Variants in GPC6 observed in about 807,000 individuals in gnomAD.
GPC6 encodes the protein glypican-6.
In GPC6, 14 loss-of-function variants were observed where a neutral mutation model predicts 55.2. The ratio of observed to expected loss-of-function variants is 0.25; its 90% CI spans 0.17 to 0.40. The LOEUF (loss-of-function observed/expected upper bound fraction) is 0.40, where lower values mean the gene tolerates loss of function less well. GPC6 is among the 10% of genes least tolerant of loss of function. The probability of loss-of-function intolerance (pLI) is 1.00; values close to 1 mark genes in which losing one functional copy is unlikely to be tolerated. For missense variants in GPC6, 641 were observed against 708.5 expected (o/e 0.90, Z 1.08); for synonymous variants, 278 against 259.6 (o/e 1.07, Z -0.68).
At chr13:93,545,523 T>A (rs1874741868) in intron 2 of GPC6, 102 bp downstream of exon 2, 1 of 954,482 alleles carries the variant, frequency 1.0e-6, no homozygotes, top group Non-Finnish European at 1.7e-6. Context: ...AGCTTTTCTA[T>A]CCCTCTTAAA....
chr13:94,181,521 C>G (rs897845121), intron 4 of GPC6, among the ~76,000 whole-genome samples: 4 of 152,166 alleles, frequency 2.6e-5, no homozygotes, highest in Non-Finnish European at 5.9e-5. Flanking sequence ...GGATTTAAAA[C>G]AGTATCTGAC....
chr13:94,303,321 A>C, intron 5 of GPC6, among the ~76,000 whole-genome samples: 1 of 152,188 alleles, frequency 6.6e-6, no homozygotes, highest in East Asian at 1.9e-4. Context: ...GTTTTGCCTA[A>C]TTAGCATTTT....
At chr13:93,228,001 G>A (rs928615703) in intron 1 of GPC6, among the ~76,000 whole-genome samples, 2 of 152,168 alleles carry the variant, frequency 1.3e-5, no homozygotes, top group African/African-American at 4.8e-5. Flanking sequence ...GGGCAAACTT[G>A]GAAGAACTGC....
chr13:94,151,354 G>A (rs950341413), intron 4 of GPC6, among the ~76,000 whole-genome samples: 11 of 152,080 alleles, frequency 7.2e-5, no homozygotes, highest in African/African-American at 2.7e-4. Flanking sequence ...GTTATAAACT[G>A]AACAACAGAG....
At chr13:94,119,906 G>A (rs550953061) in intron 4 of GPC6, among the ~76,000 whole-genome samples, 1 of 152,020 alleles carries the variant, frequency 6.6e-6, no homozygotes, top group African/African-American at 2.4e-5. Context: ...ATGTGGAGCT[G>A]GGAAGGGAAG....
intron 2 of GPC6, among the ~76,000 whole-genome samples, chr13:93,549,073 C>A (rs955344401): frequency 6.6e-6 from 1 of 152,142 alleles, no homozygotes; most frequent in African/African-American, 2.4e-5. Flanking sequence ...TCTCCCTGAA[C>A]TATGCAGGGA....
intron 3 of GPC6, among the ~76,000 whole-genome samples, chr13:93,977,095 A>G (rs1035842317): frequency 1.3e-5 from 2 of 152,118 alleles, no homozygotes; most frequent in Admixed American, 6.6e-5. Flanking sequence ...ATGGATTTCA[A>G]TAGAGCTAAG....
At chr13:93,975,699 C>T (rs1473237502) in intron 3 of GPC6, among the ~76,000 whole-genome samples, 1 of 152,058 alleles carries the variant, frequency 6.6e-6, no homozygotes, top group Non-Finnish European at 1.5e-5. Flanking sequence ...TTTCATTTTT[C>T]CCCTTTACTC....
chr13:94,401,139 G>A (rs1881112558), intron 8 of GPC6, among the ~76,000 whole-genome samples: 1 of 152,198 alleles, frequency 6.6e-6, no homozygotes, highest in African/African-American at 2.4e-5. Flanking sequence ...CAAAAGTTGA[G>A]TAACTGCCCA....
chr13:94,392,415 ATTTTTTTT>A, intron 7 of GPC6, among the ~76,000 whole-genome samples: 1 of 105,672 alleles, frequency 9.5e-6, no homozygotes, highest in East Asian at 2.6e-4. Context: ...TCTATTTTTA[ATTTTTTTT>A]TTTTTTTTTT....
intron 4 of GPC6, among the ~76,000 whole-genome samples, chr13:94,030,159 A>G (rs1248050974): frequency 2.6e-5 from 4 of 151,910 alleles, no homozygotes; most frequent in African/African-American, 7.3e-5. Context: ...CAGGCGCCCG[A>G]CACCACACCA....
chr13:93,381,482 G>C (rs1233913310), intron 1 of GPC6, among the ~76,000 whole-genome samples: 1 of 152,098 alleles, frequency 6.6e-6, no homozygotes, highest in African/African-American at 2.4e-5. Context: ...AGAGGACCAG[G>C]ATGACTGTTA....
At chr13:93,383,547 G>C (rs2139207301) in intron 1 of GPC6, among the ~76,000 whole-genome samples, 1 of 152,190 alleles carries the variant, frequency 6.6e-6, no homozygotes, top group East Asian at 1.9e-4. Context: ...GAAAAAGCTT[G>C]GCTCCCAGCT....
At chr13:93,936,113 C>A (rs555078090) in intron 3 of GPC6, among the ~76,000 whole-genome samples, 11 of 152,168 alleles carry the variant, frequency 7.2e-5, no homozygotes, top group African/African-American at 2.6e-4. Flanking sequence ...AAACATTGGG[C>A]GTCAGTGAGT....
chr13:93,938,841 C>T (rs1286809349), intron 3 of GPC6, among the ~76,000 whole-genome samples: 3 of 152,094 alleles, frequency 2.0e-5, no homozygotes, highest in African/African-American at 7.2e-5. Context: ...CGGTGGCTCA[C>T]GCCTGTAATC....
intron 6 of GPC6, among the ~76,000 whole-genome samples, chr13:94,333,171 G>A (rs546196737): frequency 4.6e-5 from 7 of 152,276 alleles, no homozygotes; most frequent in South Asian, 2.1e-4. Flanking sequence ...TACTCAGGGC[G>A]TCCCTTAATT....
intron 1 of GPC6, among the ~76,000 whole-genome samples, chr13:93,438,583 G>T (rs1594169610): frequency 6.6e-6 from 1 of 152,142 alleles, no homozygotes; most frequent in East Asian, 1.9e-4. Context: ...CTGAAGATAT[G>T]AATGAATTCC....
At chr13:93,408,751 G>A (rs1438540242) in intron 1 of GPC6, among the ~76,000 whole-genome samples, 1 of 152,150 alleles carries the variant, frequency 6.6e-6, no homozygotes, top group Non-Finnish European at 1.5e-5. Context: ...GGGAGTGTAA[G>A]AGAGGGAGTA....
At chr13:93,959,388 C>T (rs1170778314) in intron 3 of GPC6, among the ~76,000 whole-genome samples, 1 of 152,180 alleles carries the variant, frequency 6.6e-6, no homozygotes, top group African/African-American at 2.4e-5. Flanking sequence ...GTCTCAAGCT[C>T]CTCACCTCAG....
Sources: allele counts gnomAD v4.1 joint callset (sites outside exome capture counted in the v4.1 genomes callset), GRCh38; gene constraint gnomAD v4.1.1; transcripts MANE v1.5; gene names NCBI Gene and HGNC (gene_info 2026-07-23, HGNC 2026-07-21).